Variants in RYR2 observed in about 807,000 individuals in gnomAD.
The protein encoded by RYR2 is cardiac muscle ryanodine receptor-calcium release channel.
A neutral mutation model predicts 601.1 loss-of-function variants in RYR2; 227 were observed. The observed-to-expected ratio is 0.38, with a 90% CI of 0.34 to 0.42. RYR2 has a LOEUF of 0.42. Ranked by LOEUF, RYR2 falls within the 10% of genes least tolerant of loss-of-function variation. RYR2 has a pLI of 1.00. For synonymous variants in RYR2, 2,223 were observed against 2,175.1 expected (o/e 1.02, Z -0.61); for missense variants, 4,646 against 6,156.5 (o/e 0.75, Z 8.21).
intron 1 of RYR2, among the ~76,000 whole-genome samples, chr1:237,115,277 T>C (rs531253288): frequency 9.9e-4 from 151 of 152,136 alleles, no homozygotes; most frequent in Admixed American, 1.8e-3. Context: ...CCCCTGCTCT[T>C]GGGGCTGGAC....
intron 8 of RYR2, among the ~76,000 whole-genome samples, chr1:237,383,490 C>T (rs1439073262): frequency 8.0e-6 from 1 of 125,534 alleles, no homozygotes; most frequent in South Asian, 2.8e-4. Context: ...AGTACAGGGG[C>T]ACGATCTCGG....
chr1:237,213,899 CTTTTT>C (rs1320242831), intron 1 of RYR2, among the ~76,000 whole-genome samples: 7 of 102,220 alleles, frequency 6.8e-5, no homozygotes, highest in Non-Finnish European at 8.7e-5. Context: ...CATTTATTAT[CTTTTT>C]TTTTCTTTTT....
At chr1:237,052,189 A>G (rs1253033344) in intron 1 of RYR2, among the ~76,000 whole-genome samples, 1 of 152,226 alleles carries the variant, frequency 6.6e-6, no homozygotes, top group Non-Finnish European at 1.5e-5. Flanking sequence ...GGTGGAAGCC[A>G]TAGTTCCCGT....
In RYR2 at chr1:237,718,491, A is replaced by T. The variant is rs770094996; in HGVS notation, c.10524A>T (p.Ile3508=). ...LKDTEDEVRD[I]IRSNIHLQGK... ...ATACCGAGGATGAAGTACGAGATATAATCCGCAGCAATATTCATTTACAAG... is the reference window on the plus strand; with the variant it reads ...ATACCGAGGATGAAGTACGAGATATTATCCGCAGCAATATTCATTTACAAG... The change falls in exon 73 of 105, where the codon ATA becomes ATT. Residue 3508 remains isoleucine (I), a synonymous_variant. Transcript: ENST00000366574. 19 of 1,596,582 alleles carry T rather than the reference A, an allele frequency of 1.2e-5. No individual in the cohort carries two copies. The highest frequency in any genetic ancestry group is 1.5e-5 in the Non-Finnish European group (17 of 1,164,884).
chr1:237,481,180 C>T (rs1431226862), intron 17 of RYR2, among the ~76,000 whole-genome samples: 1 of 148,882 alleles, frequency 6.7e-6, no homozygotes, highest in African/African-American at 2.5e-5. Context: ...CTGTGACTTA[C>T]GGAAACTCTA....
intron 62 of RYR2, 143 bp from the exon 63 acceptor site, chr1:237,687,312 A>G (rs888235272): frequency 1.6e-6 from 1 of 611,834 alleles, no homozygotes; most frequent in Non-Finnish European, 2.9e-6. Flanking sequence ...GCGTGACATC[A>G]TGTTGCTTTT....
intron 48 of RYR2, among the ~76,000 whole-genome samples, chr1:237,646,033 T>C (rs185572509): frequency 1.9e-4 from 29 of 151,396 alleles, no homozygotes; most frequent in South Asian, 8.5e-4. Flanking sequence ...CCCGCCACTA[T>C]GCCCGGCTAA....
intron 1 of RYR2, among the ~76,000 whole-genome samples, chr1:237,170,306 C>CA (rs1340790239): frequency 6.6e-6 from 1 of 152,116 alleles, no homozygotes; most frequent in African/African-American, 2.4e-5. Flanking sequence ...AGAGAAGCAG[C>CA]AAGTGCCAGG....
intron 1 of RYR2, among the ~76,000 whole-genome samples, chr1:237,077,857 A>G (rs1188586118): frequency 1.8e-4 from 27 of 146,750 alleles, no homozygotes; most frequent in Non-Finnish European, 3.8e-4. Flanking sequence ...CTATTCCAAA[A>G]TTGGCCACAT....
chr1:237,049,030 G>A (rs1660930318), intron 1 of RYR2, among the ~76,000 whole-genome samples: 1 of 152,180 alleles, frequency 6.6e-6, no homozygotes, highest in Non-Finnish European at 1.5e-5. Context: ...ATTCTGAGAT[G>A]AGGACACCGG....
intron 1 of RYR2, among the ~76,000 whole-genome samples, chr1:237,218,477 G>T (rs1263217564): frequency 6.6e-6 from 1 of 152,152 alleles, no homozygotes; most frequent in Non-Finnish European, 1.5e-5. Flanking sequence ...GCTAGGAGAG[G>T]TTGGACAACT....
chr1:237,395,118 C>A (rs545741960), intron 10 of RYR2, among the ~76,000 whole-genome samples: 1 of 152,080 alleles, frequency 6.6e-6, no homozygotes, highest in Admixed American at 6.6e-5. Context: ...GAGGTTTGGG[C>A]GGGGACACAA....
chr1:237,059,929 C>T (rs1415076291), intron 1 of RYR2, among the ~76,000 whole-genome samples: 3 of 152,126 alleles, frequency 2.0e-5, no homozygotes, highest in Non-Finnish European at 2.9e-5. Flanking sequence ...GTGCTGTAGA[C>T]TTATACTTAA....
chr1:237,324,313 A>C (rs578208476), intron 2 of RYR2, among the ~76,000 whole-genome samples: 28 of 152,316 alleles, frequency 1.8e-4, no homozygotes, highest in African/African-American at 6.7e-4. Context: ...TTAAAACAAC[A>C]ACCACCACTT....
intron 15 of RYR2, 148 bp downstream of exon 15, chr1:237,454,722 T>G: frequency 2.9e-5 from 19 of 653,496 alleles, no homozygotes; most frequent in Non-Finnish European, 3.9e-5. Flanking sequence ...AAACAGGCCT[T>G]AGAGAAATCT....
In RYR2 at chr1:237,220,072, T is replaced by C. The variant is rs145198862; in HGVS notation, c.49-50425T>C. On this transcript the variant is annotated intron_variant, in intron 1 of 104. Coordinates refer to ENST00000366574, the MANE Select transcript of RYR2 (RefSeq NM_001035.3). The stretch of plus-strand genomic sequence containing the variant: ...AGCTACTCTGATGGCCAGTTTTAGG[T>C]GTCAGCTTGACTGGATTGACAGATG... Among the ~76,000 whole-genome samples, 47 of 152,314 alleles carry C rather than the reference T, an allele frequency of 3.1e-4. 1 individual carries two copies. In the East Asian group the frequency reaches 8.9e-3, roughly 29 times the overall value.
intron 1 of RYR2, among the ~76,000 whole-genome samples, chr1:237,126,656 G>A (rs1427557158): frequency 6.6e-6 from 1 of 151,980 alleles, no homozygotes; most frequent in Non-Finnish European, 1.5e-5. Context: ...ATCCTTCCTA[G>A]GTATTTCTCC....
intron 30 of RYR2, among the ~76,000 whole-genome samples, chr1:237,590,396 A>G (rs1675021347): frequency 6.6e-6 from 1 of 152,162 alleles, no homozygotes; most frequent in Non-Finnish European, 1.5e-5. Context: ...TGTGTGGGCA[A>G]TGTCAGGCTG....
At chr1:237,356,041 C>G in intron 4 of RYR2, 56 bp downstream of exon 4, 1 of 1,501,702 alleles carries the variant, frequency 6.7e-7, no homozygotes, top group Non-Finnish European at 9.2e-7. Context: ...CATGCTTGCT[C>G]TCGCCTCTAA....
Sources: allele counts gnomAD v4.1 joint callset (sites outside exome capture counted in the v4.1 genomes callset), GRCh38; gene constraint gnomAD v4.1.1; transcripts MANE v1.5; gene names NCBI Gene and HGNC (gene_info 2026-07-23, HGNC 2026-07-21).